Variants in ZCCHC7 observed in about 807,000 individuals in gnomAD.
The protein encoded by ZCCHC7 is zinc finger CCHC domain-containing protein 7.
In ZCCHC7, 35 loss-of-function variants were observed where a neutral mutation model predicts 52.0. The observed-to-expected ratio is 0.67, with a 90% CI of 0.51 to 0.89. ZCCHC7 has a LOEUF of 0.89. Ranked by LOEUF, ZCCHC7 falls within the 40% of genes least tolerant of loss-of-function variation. The pLI, the probability that ZCCHC7 is intolerant of heterozygous loss-of-function variation, is 0.00. For missense variants in ZCCHC7, 574 were observed against 649.1 expected, an observed-to-expected ratio of 0.88 and a Z score of 1.26; for synonymous variants, 217 against 221.5, an observed-to-expected ratio of 0.98 and a Z score of 0.18.
intron 2 of ZCCHC7, among the ~76,000 whole-genome samples, chr9:37,208,716 C>G (rs1824052202): frequency 6.6e-6 from 1 of 152,204 alleles, no homozygotes; most frequent in South Asian, 2.1e-4. Flanking sequence ...ACTCTGCCAT[C>G]ACTTTGTTCC....
intron 2 of ZCCHC7, among the ~76,000 whole-genome samples, chr9:37,132,667 A>G (rs369333009): frequency 6.6e-6 from 1 of 152,202 alleles, no homozygotes; most frequent in Non-Finnish European, 1.5e-5. Flanking sequence ...ACCAAAATCT[A>G]TGGATGCTCA....
intron 2 of ZCCHC7, among the ~76,000 whole-genome samples, chr9:37,175,364 A>G (rs1821961306): frequency 6.6e-6 from 1 of 152,006 alleles, no homozygotes; most frequent in Admixed American, 6.6e-5. Context: ...ATTTTCTGTG[A>G]TTCCTAATAT....
At chr9:37,291,780 A>C (rs868366522) in intron 2 of ZCCHC7, among the ~76,000 whole-genome samples, 9 of 151,990 alleles carry the variant, frequency 5.9e-5, no homozygotes, top group Middle Eastern at 3.4e-3. Context: ...CGCAACCTTC[A>C]CCTCCTGGGT....
chr9:37,125,592 A>G (rs1388455523), intron 1 of ZCCHC7, among the ~76,000 whole-genome samples: 1 of 152,264 alleles, frequency 6.6e-6, no homozygotes, highest in Admixed American at 6.5e-5. Flanking sequence ...TTGAAGTAAT[A>G]TTCCTGTATA....
intron 2 of ZCCHC7, among the ~76,000 whole-genome samples, chr9:37,234,832 A>G (rs1375607048): frequency 6.6e-6 from 1 of 152,148 alleles, no homozygotes; most frequent in Non-Finnish European, 1.5e-5. Flanking sequence ...TTATGAAAAT[A>G]TTTTAGCCAC....
intron 2 of ZCCHC7, among the ~76,000 whole-genome samples, chr9:37,157,028 T>C (rs1253956885): frequency 2.0e-5 from 3 of 151,888 alleles, no homozygotes; most frequent in African/African-American, 7.2e-5. Context: ...TGTGGTTTTC[T>C]GTTATCATTG....
chr9:37,235,870 G>A (rs1214949582), intron 2 of ZCCHC7, among the ~76,000 whole-genome samples: 1 of 151,802 alleles, frequency 6.6e-6, no homozygotes, highest in African/African-American at 2.4e-5. Context: ...TTACAGGTGT[G>A]AGCCACCGCA....
intron 2 of ZCCHC7, among the ~76,000 whole-genome samples, chr9:37,298,126 G>A (rs1828868877): frequency 6.6e-6 from 1 of 152,148 alleles, no homozygotes; most frequent in African/African-American, 2.4e-5. Flanking sequence ...AAGACTAAAT[G>A]ATGTTTAAAG....
chr9:37,279,470 T>C (rs1827845913), intron 2 of ZCCHC7, among the ~76,000 whole-genome samples: 1 of 151,726 alleles, frequency 6.6e-6, no homozygotes, highest in African/African-American at 2.4e-5. Context: ...AGAAATTATA[T>C]TGGAATCTTA....
At chr9:37,324,759 C>CT (rs1432404546) in intron 5 of ZCCHC7, among the ~76,000 whole-genome samples, 1 of 152,126 alleles carries the variant, frequency 6.6e-6, no homozygotes, top group Non-Finnish European at 1.5e-5. Flanking sequence ...AGGGCTCTCT[C>CT]TAGTACAAGG....
intron 2 of ZCCHC7, among the ~76,000 whole-genome samples, chr9:37,262,045 A>G (rs1303665857): frequency 2.0e-5 from 3 of 152,068 alleles, no homozygotes; most frequent in Non-Finnish European, 4.4e-5. Flanking sequence ...AAAAGTTCCC[A>G]TTTTTATACT....
At chr9:37,189,864 A>G (rs535593989) in intron 2 of ZCCHC7, among the ~76,000 whole-genome samples, 3 of 151,988 alleles carry the variant, frequency 2.0e-5, no homozygotes, top group Admixed American at 6.5e-5. Context: ...GTAGTTGTCT[A>G]CTCCATAGTT....
chr9:37,323,558 A>C (rs1031046640), intron 5 of ZCCHC7, among the ~76,000 whole-genome samples: 1 of 152,206 alleles, frequency 6.6e-6, no homozygotes, highest in Non-Finnish European at 1.5e-5. Context: ...TTTTATACAC[A>C]TTGCCACTTA....
intron 5 of ZCCHC7, among the ~76,000 whole-genome samples, chr9:37,316,376 T>C (rs558752697): frequency 2.7e-5 from 4 of 150,524 alleles, no homozygotes; most frequent in Non-Finnish European, 5.9e-5. Flanking sequence ...CTTATTCTTA[T>C]AAGAATCTGG....
chr9:37,268,192 C>A (rs1827208613), intron 2 of ZCCHC7, among the ~76,000 whole-genome samples: 1 of 152,106 alleles, frequency 6.6e-6, no homozygotes, highest in Non-Finnish European at 1.5e-5. Context: ...AAAACAAATT[C>A]TGTGTGAATT....
At chr9:37,229,220 A>G (rs1424212413) in intron 2 of ZCCHC7, among the ~76,000 whole-genome samples, 1 of 152,180 alleles carries the variant, frequency 6.6e-6, no homozygotes, top group Non-Finnish European at 1.5e-5. Flanking sequence ...CAAAAAGCCA[A>G]CAACAGGGGA....
chr9:37,202,034 A>G (rs1311471154), intron 2 of ZCCHC7, among the ~76,000 whole-genome samples: 1 of 152,220 alleles, frequency 6.6e-6, no homozygotes, highest in East Asian at 1.9e-4. Flanking sequence ...CCCATTTTTT[A>G]GAGTACATTT....
intron 2 of ZCCHC7, among the ~76,000 whole-genome samples, chr9:37,291,290 G>A (rs951540615): frequency 1.3e-5 from 2 of 151,958 alleles, no homozygotes; most frequent in African/African-American, 2.4e-5. Flanking sequence ...CTCAGACTAC[G>A]ATTTTTCAGT....
chr9:37,185,347 A>G (rs1822595285), intron 2 of ZCCHC7, among the ~76,000 whole-genome samples: 1 of 152,208 alleles, frequency 6.6e-6, no homozygotes, highest in South Asian at 2.1e-4. Flanking sequence ...CTGGTGTTAA[A>G]TGATAAGGTG....
Sources: gnomAD v4.1 joint callset for allele counts (sites outside exome capture counted in the v4.1 genomes callset) on GRCh38, gnomAD v4.1.1 for gene constraint, MANE v1.5 for transcripts, NCBI Gene and HGNC (gene_info 2026-07-23, HGNC 2026-07-21) for gene names.